The following PRUNE1 variants were observed in gnomAD, a reference collection of about 807,000 sequenced individuals.
PRUNE1 encodes prune exopolyphosphatase 1, also known as exopolyphosphatase PRUNE1.
In PRUNE1, 25 loss-of-function variants were observed where a neutral mutation model predicts 42.5. That is an observed-to-expected ratio of 0.59 (90% CI 0.43 to 0.82). The LOEUF is 0.82. Ranked by LOEUF, PRUNE1 falls within the 40% of genes least tolerant of loss-of-function variation. The probability of loss-of-function intolerance (pLI) is 0.00; values close to 1 mark genes in which losing one functional copy is unlikely to be tolerated. For synonymous variants in PRUNE1, 203 were observed against 217.1 expected (o/e 0.93, Z 0.57); for missense variants, 443 against 539.3 (o/e 0.82, Z 1.77).
intron 1 of PRUNE1, among the ~76,000 whole-genome samples, chr1:151,014,014 C>T (rs1444256013): frequency 6.6e-6 from 1 of 151,090 alleles, no homozygotes; most frequent in Admixed American, 6.6e-5. Flanking sequence ...GAGTCTCGCT[C>T]GGTCACCCAG....
Position 151,028,782 on chromosome 1 carries a change from T to C in PRUNE1, c.775-4T>C, listed in dbSNP as rs777579402. The C allele has an allele frequency of 1.2e-6, 2 of 1,612,970 alleles. No homozygotes were observed. Among genetic ancestry groups the C allele is most frequent in the Non-Finnish European group, 1.7e-6 (2 of 1,179,532 alleles). ...TTCATCCCTCTCCGTTTCTTCCCTTTCAGGCCTTTCTGCAGAGGTCTAACC... is the reference window on the plus strand; with the variant it reads ...TTCATCCCTCTCCGTTTCTTCCCTTCCAGGCCTTTCTGCAGAGGTCTAACC... On this transcript the variant is annotated splice_region_variant and splice_polypyrimidine_tract_variant and intron_variant, in intron 6 of 7. Transcript: ENST00000271620.
rs1673476471 is a variant in PRUNE1, at chr1:151,008,507, G to T, written c.-126G>T. 1 of 1,330,266 alleles carries T rather than the reference G, an allele frequency of 7.5e-7. No homozygotes were observed. Among genetic ancestry groups the T allele is most frequent in the East Asian group, 2.3e-5 (1 of 43,340 alleles). The allele number at this position is 1,330,266 out of a possible 1,614,324, so 82.4% of individuals were successfully genotyped here. ...CCGATTCGCCGTGTGGCGGGTTCGA[G>T]TCCCGCCTCCTGACTCTGGCCTCTA... is the stretch of plus-strand genomic sequence containing the variant. On this transcript the variant is annotated 5_prime_UTR_variant, in exon 1 of 8. Coordinates refer to ENST00000271620, the MANE Select transcript of PRUNE1 (RefSeq NM_021222.3).
chr1:151,014,478 T>A (rs965691420), intron 1 of PRUNE1, among the ~76,000 whole-genome samples: 2 of 152,214 alleles, frequency 1.3e-5, no homozygotes, highest in East Asian at 1.9e-4. Flanking sequence ...GGGCAATTGA[T>A]ACCACCAGAA....
In PRUNE1 at chr1:151,028,922, C is replaced by CCCATGTG; in HGVS notation, c.912_918dup (p.Ala307ProfsTer10). The CCCATGTG allele has an allele frequency of 6.2e-7, 1 of 1,613,640 alleles. No individual in the cohort carries two copies. The highest frequency in any genetic ancestry group is 8.5e-7 in the Non-Finnish European group (1 of 1,179,648). The stretch of plus-strand genomic sequence containing the variant: ...GTGCGGCAGTTGGCTATTTTCTGTC[C>CCCATGTG]CCATGTGGCACTCCAAACAACGGTG... On this transcript the variant is annotated frameshift_variant, in exon 7 of 8. Coordinates refer to ENST00000271620, the MANE Select transcript of PRUNE1 (RefSeq NM_021222.3). LOFTEE classifies it high-confidence loss of function.
chr1:151,012,609 G>A (rs587756475), intron 1 of PRUNE1, among the ~76,000 whole-genome samples: 26 of 152,190 alleles, frequency 1.7e-4, no homozygotes, highest in Non-Finnish European at 3.2e-4. Context: ...TGTTCAGGAA[G>A]GCTTCACAGA....
chr1:151,028,519 G>A (rs968413501), intron 6 of PRUNE1, among the ~76,000 whole-genome samples: 6 of 152,136 alleles, frequency 3.9e-5, no homozygotes, highest in Non-Finnish European at 8.8e-5. Context: ...CGCCTCCCTG[G>A]TTCAAGCGAT....
At chr1:151,021,439 G>C (rs997172556) in intron 3 of PRUNE1, among the ~76,000 whole-genome samples, 1 of 152,144 alleles carries the variant, frequency 6.6e-6, no homozygotes, top group African/African-American at 2.4e-5. Flanking sequence ...TGTGCAACAA[G>C]AGCGAAACTC....
At chr1:151,010,637 A>C (rs923482803) in intron 1 of PRUNE1, among the ~76,000 whole-genome samples, 1 of 151,278 alleles carries the variant, frequency 6.6e-6, no homozygotes, top group African/African-American at 2.4e-5. Flanking sequence ...ATGGCAAGAC[A>C]TACTGGTAGA....
At chr1:151,015,110 C>T (rs1431224056) in intron 1 of PRUNE1, among the ~76,000 whole-genome samples, 6 of 146,980 alleles carry the variant, frequency 4.1e-5, no homozygotes, top group African/African-American at 1.5e-4. Context: ...GGCGGATCAC[C>T]TGAGGTCAGG....
chr1:151,027,017 C>T (rs1004697279), intron 5 of PRUNE1, among the ~76,000 whole-genome samples: 1 of 151,984 alleles, frequency 6.6e-6, no homozygotes, highest in African/African-American at 2.4e-5. Context: ...AACTCCTGAC[C>T]TCAGGTGATC....
At chr1:151,027,077 C>T (rs587635457) in intron 5 of PRUNE1, among the ~76,000 whole-genome samples, 156 bp from the exon 6 acceptor site, 18 of 152,118 alleles carry the variant, frequency 1.2e-4, no homozygotes, top group South Asian at 6.2e-4. Flanking sequence ...TGAGTCACCG[C>T]GCCCGGCTAT....
chr1:151,020,209 C>A (rs1435944936), intron 3 of PRUNE1, among the ~76,000 whole-genome samples: 3 of 138,660 alleles, frequency 2.2e-5, no homozygotes, highest in African/African-American at 8.0e-5. Context: ...ACCTGTCTGA[C>A]CACTATAGCG....
Position 151,033,822 on chromosome 1 carries a change from A to AACGCTCG in PRUNE1, c.956_957insGACGCTC (p.His320ThrfsTer18), listed in dbSNP as rs1330847509. Reference sequence around the variant, plus strand: ...CCTCTTTAGATCTGTGAAGTCCTGGAACGCTCCCACTCTCCACCCCTGAAG... The same window carrying AACGCTCG: ...CCTCTTTAGATCTGTGAAGTCCTGGAACGCTCGACGCTCCCACTCTCCACCCCTGAAG... On this transcript the variant is annotated frameshift_variant, in exon 8 of 8. Transcript: ENST00000271620. LOFTEE classifies it high-confidence loss of function. 3 of 1,613,644 alleles carry AACGCTCG rather than the reference A, an allele frequency of 1.9e-6. No homozygotes were observed. Among genetic ancestry groups the AACGCTCG allele is most frequent in the Non-Finnish European group, 2.5e-6 (3 of 1,179,728 alleles).
chr1:151,009,118 G>C (rs113043823), intron 1 of PRUNE1, among the ~76,000 whole-genome samples: 3 of 152,210 alleles, frequency 2.0e-5, no homozygotes, highest in Non-Finnish European at 4.4e-5. Flanking sequence ...AACCTCGGGG[G>C]TGTGGAGGGA....
At chr1:151,016,568 C>A (rs1419989139) in intron 1 of PRUNE1, among the ~76,000 whole-genome samples, 3 of 152,034 alleles carry the variant, frequency 2.0e-5, no homozygotes, top group Non-Finnish European at 4.4e-5. Context: ...AAGGCGCAAT[C>A]TCGGCTCACT....
chr1:151,035,128 CTA>C lies in PRUNE1; in HGVS notation c.*896_*897del, dbSNP rs1278368627. The C allele has an allele frequency of 2.0e-5, 3 of 152,198 alleles. No individual in the cohort carries two copies. Among genetic ancestry groups the C allele is most frequent in the Non-Finnish European group, 4.4e-5 (3 of 68,042 alleles). 9.4% of individuals were successfully genotyped at this position (152,198 alleles called of 1,614,324 possible). A position where few individuals can be genotyped will look rare whatever the true frequency, so the allele number is the denominator to read the frequency against. Reference sequence around the variant, plus strand: ...CATGGAGTTCTAATGCTCCCATAAACTATGTATTTTGGCAAGACACTTCACTA... The same window carrying C: ...CATGGAGTTCTAATGCTCCCATAAACTGTATTTTGGCAAGACACTTCACTA... On this transcript the variant is annotated 3_prime_UTR_variant, in exon 8 of 8. Transcript: ENST00000271620.
At chr1:151,030,391 C>T (rs1287902228) in intron 7 of PRUNE1, among the ~76,000 whole-genome samples, 1 of 152,132 alleles carries the variant, frequency 6.6e-6, no homozygotes. Flanking sequence ...GTATGTCTGT[C>T]CTTTCCCGCC....
Position 151,034,423 on chromosome 1 carries a change from C to T in PRUNE1, c.*189C>T, listed in dbSNP as rs941760369. 13 of 607,042 alleles carry T rather than the reference C, an allele frequency of 2.1e-5. No individual in the cohort carries two copies. Among genetic ancestry groups the T allele is most frequent in the African/African-American group, 1.8e-4 (10 of 54,070 alleles). 37.6% of individuals were successfully genotyped at this position (607,042 alleles called of 1,614,324 possible). A position where few individuals can be genotyped will look rare whatever the true frequency, so the allele number is the denominator to read the frequency against. The stretch of plus-strand genomic sequence containing the variant: ...TTAAGAATGGTTTTCCACCTTTTCC[C>T]CCTAATCTCTACCAATCAGACACAT... On this transcript the variant is annotated 3_prime_UTR_variant, in exon 8 of 8. Coordinates refer to ENST00000271620, the MANE Select transcript of PRUNE1 (RefSeq NM_021222.3).
chr1:151,031,237 G>C (rs1213141290), intron 7 of PRUNE1, among the ~76,000 whole-genome samples: 2 of 149,758 alleles, frequency 1.3e-5, no homozygotes, highest in African/African-American at 4.9e-5. Flanking sequence ...GACCAGGCTG[G>C]AGTGGTACAA....
Sources: gnomAD v4.1 joint callset for allele counts (sites outside exome capture counted in the v4.1 genomes callset) on GRCh38, gnomAD v4.1.1 for gene constraint, MANE v1.5 for transcripts, NCBI Gene and HGNC (gene_info 2026-07-23, HGNC 2026-07-21) for gene names.